Variants in ATRNL1 observed in about 807,000 individuals in gnomAD.
ATRNL1 encodes attractin-like protein 1.
ATRNL1 carries 95 observed loss-of-function variants against 182.7 expected under a neutral mutation model. The observed-to-expected ratio is 0.52, with a 90% CI of 0.44 to 0.62. ATRNL1 has a LOEUF of 0.62. Ranked by LOEUF, ATRNL1 falls within the 20% of genes least tolerant of loss-of-function variation. ATRNL1 has a pLI of 0.00. For synonymous variants in ATRNL1, 576 were observed against 568.3 expected (o/e 1.01, Z -0.19); for missense variants, 1,471 against 1,679.5 (o/e 0.88, Z 2.17).
At chr10:115,274,961 T>C (rs548927168) in intron 13 of ATRNL1, among the ~76,000 whole-genome samples, 3 of 152,316 alleles carry the variant, frequency 2.0e-5, no homozygotes, top group African/African-American at 4.8e-5. Flanking sequence ...ATAGACTAAA[T>C]AGGCAAATTT....
At chr10:115,121,049 G>A (rs373642266) in intron 2 of ATRNL1, among the ~76,000 whole-genome samples, 1 of 152,076 alleles carries the variant, frequency 6.6e-6, no homozygotes, top group Non-Finnish European at 1.5e-5. Flanking sequence ...CCATTTTTAA[G>A]TGTACAGTTC....
At chr10:115,830,770 A>G (rs1187680016) in intron 27 of ATRNL1, among the ~76,000 whole-genome samples, 1 of 152,104 alleles carries the variant, frequency 6.6e-6, no homozygotes, top group Non-Finnish European at 1.5e-5. Flanking sequence ...CCTCAACCAA[A>G]GCTCAGCGGT....
At chr10:115,127,525 T>A (rs1384696480) in intron 3 of ATRNL1, 68 bp from the exon 4 acceptor site, 4 of 1,348,376 alleles carry the variant, frequency 3.0e-6, no homozygotes, top group Non-Finnish European at 4.1e-6. Flanking sequence ...TATTTCTGAG[T>A]AAATTTTATG....
intron 19 of ATRNL1, among the ~76,000 whole-genome samples, chr10:115,336,450 T>C (rs1207231896): frequency 6.6e-6 from 1 of 152,228 alleles, no homozygotes; most frequent in Non-Finnish European, 1.5e-5. Context: ...GTTTCAGTAC[T>C]GAATTTTCCA....
At chr10:115,377,080 C>T (rs1246505493) in intron 19 of ATRNL1, among the ~76,000 whole-genome samples, 1 of 151,864 alleles carries the variant, frequency 6.6e-6, no homozygotes, top group Non-Finnish European at 1.5e-5. Context: ...TTTACATTTT[C>T]TTATTAAGCT....
At chr10:115,481,403 A>G (rs1554974166) in intron 24 of ATRNL1, among the ~76,000 whole-genome samples, 5 of 150,828 alleles carry the variant, frequency 3.3e-5, no homozygotes, top group Admixed American at 2.0e-4. Context: ...GGGTTAAAGT[A>G]TATAAACAAA....
intron 26 of ATRNL1, among the ~76,000 whole-genome samples, chr10:115,561,863 T>A (rs1554999849): frequency 6.6e-6 from 1 of 152,158 alleles, no homozygotes; most frequent in Non-Finnish European, 1.5e-5. Context: ...CCAATAATCA[T>A]CACCAATTAT....
Position 115,514,484 on chromosome 10 carries a change from A to AT in ATRNL1, c.3655-4779_3655-4778insT, listed in dbSNP as rs1554983422. ...ATATTCTTTGGGCAGATGTAAAAAA[A>AT]ATATATAGAGATGTTTCATGTGTGC... On this transcript the variant is annotated intron_variant, in intron 24 of 28. Coordinates refer to ENST00000355044, the MANE Select transcript of ATRNL1 (RefSeq NM_207303.4). Among the ~76,000 whole-genome samples the AT allele has an allele frequency of 9.5e-4, 144 of 151,500 alleles. 3 individuals carry two copies. The South Asian group carries it at 0.029, about 30-fold the overall frequency.
chr10:115,939,112 G>A (rs555008025), intron 28 of ATRNL1, among the ~76,000 whole-genome samples: 15 of 152,182 alleles, frequency 9.9e-5, no homozygotes, highest in Non-Finnish European at 1.6e-4. Context: ...ACACCACATT[G>A]TATCTCATAA....
At chr10:115,896,446 AAGAT>A (rs1221171868) in intron 28 of ATRNL1, among the ~76,000 whole-genome samples, 1 of 152,196 alleles carries the variant, frequency 6.6e-6, no homozygotes, top group Non-Finnish European at 1.5e-5. Flanking sequence ...AAACCTGACA[AAGAT>A]AGCGCAGTAA....
At chr10:115,119,101 T>G (rs955761621) in intron 1 of ATRNL1, among the ~76,000 whole-genome samples, 18 of 152,170 alleles carry the variant, frequency 1.2e-4, no homozygotes, top group African/African-American at 4.3e-4. Flanking sequence ...TTATTACATT[T>G]ATTTGAGAAT....
rs533132970 is a variant in ATRNL1, at chr10:115,631,188, C to A, written c.3795+81652C>A. On this transcript the variant is annotated intron_variant, in intron 26 of 28. Coordinates refer to ENST00000355044, the MANE Select transcript of ATRNL1 (RefSeq NM_207303.4). ...AGTATAGTTACTAATATTGTATACT[C>A]GAAACTTACTAAGGTGAGGCTAGAT... is the stretch of plus-strand genomic sequence containing the variant. Among the ~76,000 whole-genome samples the A allele has an allele frequency of 7.9e-5, 12 of 151,740 alleles. No individual in the cohort carries two copies. The East Asian group carries it at 1.9e-3, about 24-fold the overall frequency.
intron 26 of ATRNL1, among the ~76,000 whole-genome samples, chr10:115,589,996 G>C (rs1425681528): frequency 2.6e-5 from 4 of 152,158 alleles, no homozygotes; most frequent in African/African-American, 9.7e-5. Flanking sequence ...CTTTAATATA[G>C]CAGTTTGCTT....
At chr10:115,616,104 G>A (rs1316794141) in intron 26 of ATRNL1, among the ~76,000 whole-genome samples, 1 of 152,130 alleles carries the variant, frequency 6.6e-6, no homozygotes, top group African/African-American at 2.4e-5. Flanking sequence ...TAAAGGTGAG[G>A]CTGATGAGAC....
chr10:115,688,519 T>G (rs1311810481), intron 26 of ATRNL1, among the ~76,000 whole-genome samples: 1 of 152,138 alleles, frequency 6.6e-6, no homozygotes, highest in Non-Finnish European at 1.5e-5. Flanking sequence ...TTGGGTGAGA[T>G]GGTATCTGAT....
At chr10:115,311,294 A>T (rs1564901626) in intron 17 of ATRNL1, among the ~76,000 whole-genome samples, 1 of 151,544 alleles carries the variant, frequency 6.6e-6, no homozygotes, top group Non-Finnish European at 1.5e-5. Context: ...GATTCAAGCA[A>T]TTCTCCTGCC....
chr10:115,475,076 G>C lies in ATRNL1; in HGVS notation c.3654+5747G>C, dbSNP rs575008641. ...GTCTATAGTATTTTCAGTTATGTCT[G>C]TGAAGATATGAAATTGTTTGGAATT... On this transcript the variant is annotated intron_variant, in intron 24 of 28. Coordinates refer to ENST00000355044, the MANE Select transcript of ATRNL1 (RefSeq NM_207303.4). 2.0e-5 allele frequency among the ~76,000 whole-genome samples: 3 copies of C among 151,528 alleles called. No individual in the cohort carries two copies. In the East Asian group the frequency reaches 5.9e-4, roughly 30 times the overall value.
chr10:115,358,389 T>C (rs1856595081), intron 19 of ATRNL1, among the ~76,000 whole-genome samples: 1 of 151,686 alleles, frequency 6.6e-6, no homozygotes, highest in Non-Finnish European at 1.5e-5. Context: ...CCCAGATAAC[T>C]TTTCTTGCTT....
chr10:115,536,034 C>T (rs1851972469), intron 25 of ATRNL1, among the ~76,000 whole-genome samples: 1 of 151,848 alleles, frequency 6.6e-6, no homozygotes, highest in Admixed American at 6.6e-5. Context: ...GGGAGCCTCC[C>T]AGTTAGGCTT....
Sources: gnomAD v4.1 joint callset for allele counts (sites outside exome capture counted in the v4.1 genomes callset) on GRCh38, gnomAD v4.1.1 for gene constraint, MANE v1.5 for transcripts, NCBI Gene and HGNC (gene_info 2026-07-23, HGNC 2026-07-21) for gene names.